SUPT3H: variants seen among roughly 807,000 people sequenced by gnomAD.
SUPT3H encodes SPT3 homolog, SAGA and STAGA complex component, also known as transcription initiation protein SPT3 homolog.
In SUPT3H, 44 loss-of-function variants were observed where a neutral mutation model predicts 44.3. The ratio of observed to expected loss-of-function variants is 0.99; its 90% CI spans 0.78 to 1.28. The LOEUF (loss-of-function observed/expected upper bound fraction) is 1.28. Ranked by LOEUF, SUPT3H falls within the 50% of genes most tolerant of loss-of-function variation. SUPT3H has a pLI of 0.00. For synonymous variants in SUPT3H, 124 were observed against 125.6 expected, an observed-to-expected ratio of 0.99 and a Z score of 0.09; for missense variants, 380 against 387.1, an observed-to-expected ratio of 0.98 and a Z score of 0.15.
intron 10 of SUPT3H, among the ~76,000 whole-genome samples, chr6:44,931,720 C>T (rs1475931130): frequency 1.3e-5 from 2 of 151,724 alleles, no homozygotes; most frequent in Non-Finnish European, 2.9e-5. Flanking sequence ...ACATAATTAA[C>T]AACAACTAAA....
intron 10 of SUPT3H, among the ~76,000 whole-genome samples, chr6:44,870,598 C>CAAA (rs775096457): frequency 1.1e-4 from 8 of 73,916 alleles, no homozygotes; most frequent in African/African-American, 3.7e-4. Flanking sequence ...GACTCTGTCT[C>CAAA]AAAAAAAAAA....
chr6:44,860,496 T>C (rs1187588014), intron 10 of SUPT3H, among the ~76,000 whole-genome samples: 1 of 152,206 alleles, frequency 6.6e-6, no homozygotes, highest in Non-Finnish European at 1.5e-5. Flanking sequence ...TGAGTGACTT[T>C]TCCAAATGTT....
chr6:45,333,646 A>C (rs529271390), intron 2 of SUPT3H, among the ~76,000 whole-genome samples: 12 of 151,516 alleles, frequency 7.9e-5, no homozygotes, highest in African/African-American at 2.9e-4. Flanking sequence ...TATAAAAAAC[A>C]ATCATTTTTT....
chr6:44,854,632 C>A (rs959752999), intron 10 of SUPT3H, among the ~76,000 whole-genome samples: 2 of 152,164 alleles, frequency 1.3e-5, no homozygotes, highest in African/African-American at 4.8e-5. Context: ...TCTTGCAGAT[C>A]CAGCTCCATT....
chr6:44,864,659 G>C (rs1403926862), intron 10 of SUPT3H, among the ~76,000 whole-genome samples: 1 of 152,182 alleles, frequency 6.6e-6, no homozygotes, highest in Admixed American at 6.5e-5. Context: ...GCTCTGTGTT[G>C]GCCCCTTTCA....
chr6:44,957,079 GAAA>G (rs1775325128), intron 7 of SUPT3H, among the ~76,000 whole-genome samples: 1 of 152,126 alleles, frequency 6.6e-6, no homozygotes, highest in African/African-American at 2.4e-5. Context: ...AACCTAGAGG[GAAA>G]GATTGATAGT....
chr6:45,286,398 A>C (rs1242017694), intron 2 of SUPT3H, among the ~76,000 whole-genome samples: 1 of 152,200 alleles, frequency 6.6e-6, no homozygotes, highest in Non-Finnish European at 1.5e-5. Context: ...ACAAATTTAC[A>C]AGAAAAAACA....
At chr6:45,014,270 AG>A (rs1399955302) in intron 5 of SUPT3H, among the ~76,000 whole-genome samples, 1 of 152,132 alleles carries the variant, frequency 6.6e-6, no homozygotes, top group Non-Finnish European at 1.5e-5. Flanking sequence ...ATGATGGTTT[AG>A]CAAAACTGAA....
intron 2 of SUPT3H, among the ~76,000 whole-genome samples, chr6:45,195,689 G>T (rs148479112): frequency 6.6e-6 from 1 of 152,196 alleles, no homozygotes; most frequent in East Asian, 1.9e-4. Context: ...ATGCAATGAA[G>T]AATTGCTATC....
chr6:45,313,359 G>A (rs577384418), intron 2 of SUPT3H, among the ~76,000 whole-genome samples: 17 of 151,974 alleles, frequency 1.1e-4, no homozygotes, highest in South Asian at 1.0e-3. Flanking sequence ...CAAAAAGATG[G>A]TTATTTGAAA....
chr6:44,877,397 A>G (rs1777489162), intron 10 of SUPT3H, among the ~76,000 whole-genome samples: 1 of 149,312 alleles, frequency 6.7e-6, no homozygotes, highest in South Asian at 2.1e-4. Flanking sequence ...TGAACCCCAG[A>G]GGCAGAGGTT....
chr6:45,083,998 T>C (rs182076399), intron 3 of SUPT3H, among the ~76,000 whole-genome samples: 279 of 152,324 alleles, frequency 1.8e-3, no homozygotes, highest in Non-Finnish European at 2.5e-3. Flanking sequence ...TAACTCAAGA[T>C]ACATTAAAGA....
chr6:45,118,733 G>C (rs1474809461), intron 2 of SUPT3H, among the ~76,000 whole-genome samples: 1 of 152,022 alleles, frequency 6.6e-6, no homozygotes, highest in Admixed American at 6.6e-5. Context: ...CTGCTCTAAG[G>C]CATATTGCAC....
At chr6:45,307,061 A>G (rs1048703750) in intron 2 of SUPT3H, among the ~76,000 whole-genome samples, 1 of 152,186 alleles carries the variant, frequency 6.6e-6, no homozygotes, top group Non-Finnish European at 1.5e-5. Flanking sequence ...GGCGGCAGCA[A>G]GGCTGGGGGA....
chr6:45,231,854 TG>T (rs536757267), intron 2 of SUPT3H, among the ~76,000 whole-genome samples: 203 of 152,312 alleles, frequency 1.3e-3, no homozygotes, highest in Middle Eastern at 3.4e-3. Context: ...GTCTCTCTTC[TG>T]GTTGTTCTAG....
At chr6:45,284,920 A>G (rs1017993901) in intron 2 of SUPT3H, among the ~76,000 whole-genome samples, 2 of 152,232 alleles carry the variant, frequency 1.3e-5, no homozygotes, top group Non-Finnish European at 2.9e-5. Context: ...CATCCCTGGG[A>G]TGGAAGGCTG....
chr6:45,093,329 T>C (rs1797384423), intron 3 of SUPT3H, among the ~76,000 whole-genome samples: 1 of 152,130 alleles, frequency 6.6e-6, no homozygotes. Context: ...AAATGGCCTA[T>C]ATATACAATA....
intron 2 of SUPT3H, among the ~76,000 whole-genome samples, chr6:45,158,153 C>T (rs915478391): frequency 1.1e-4 from 16 of 144,150 alleles, no homozygotes; most frequent in Middle Eastern, 3.6e-3. Context: ...GTCACTTCTT[C>T]CCTGACTCTG....
At chr6:45,092,251 C>T (rs1797217640) in intron 3 of SUPT3H, among the ~76,000 whole-genome samples, 1 of 151,968 alleles carries the variant, frequency 6.6e-6, no homozygotes, top group Non-Finnish European at 1.5e-5. Context: ...AGATTAAATA[C>T]ATTCTGGGTA....
Sources: gnomAD v4.1 joint callset for allele counts (sites outside exome capture counted in the v4.1 genomes callset) on GRCh38, gnomAD v4.1.1 for gene constraint, MANE v1.5 for transcripts, NCBI Gene and HGNC (gene_info 2026-07-23, HGNC 2026-07-21) for gene names.